Variants in CNTN3 observed in about 807,000 individuals in gnomAD.
CNTN3 encodes the protein contactin-3.
A neutral mutation model predicts 119.1 loss-of-function variants in CNTN3; 60 were observed. The ratio of observed to expected loss-of-function variants is 0.50; its 90% CI spans 0.41 to 0.62. The LOEUF (loss-of-function observed/expected upper bound fraction) is 0.62. Ranked by LOEUF, CNTN3 falls within the 20% of genes least tolerant of loss-of-function variation. CNTN3 has a pLI of 0.00. For synonymous variants in CNTN3, 450 were observed against 438.7 expected, an observed-to-expected ratio of 1.03 and a Z score of -0.32; for missense variants, 1,101 against 1,242.4, an observed-to-expected ratio of 0.89 and a Z score of 1.71.
intron 4 of CNTN3, among the ~76,000 whole-genome samples, chr3:74,467,342 C>G (rs1202299915): frequency 6.6e-6 from 1 of 151,962 alleles, no homozygotes; most frequent in Non-Finnish European, 1.5e-5. Flanking sequence ...GTCGTAACTC[C>G]AAATCTAACA....
intron 5 of CNTN3, among the ~76,000 whole-genome samples, chr3:74,391,921 G>A (rs550804640): frequency 8.5e-5 from 13 of 152,174 alleles, no homozygotes; most frequent in Admixed American, 8.5e-4. Context: ...GTCTCCCAAA[G>A]TGCTGGGATT....
intron 2 of CNTN3, among the ~76,000 whole-genome samples, chr3:74,516,958 T>A (rs1362430880): frequency 6.6e-6 from 1 of 151,898 alleles, no homozygotes; most frequent in African/African-American, 2.4e-5. Context: ...AGACCTCAGA[T>A]AAGGGGGAAA....
intron 11 of CNTN3, among the ~76,000 whole-genome samples, chr3:74,343,299 A>G (rs779581242): frequency 2.1e-4 from 32 of 152,086 alleles, no homozygotes; most frequent in Non-Finnish European, 2.9e-4. Context: ...AAATACGTCC[A>G]CTCTCTATGT....
In CNTN3 at chr3:74,345,101, T is replaced by C. The variant is rs559991907; in HGVS notation, c.1365-8443A>G. On this transcript the variant is annotated intron_variant, in intron 11 of 22. Transcript: ENST00000263665. ...TATGATGACTGTGTACATTTGATGA[T>C]GGGTTCCTTACAAATTATCTTGCAG... is the stretch of plus-strand genomic sequence containing the variant. 6.6e-5 allele frequency among the ~76,000 whole-genome samples: 10 copies of C among 152,334 alleles called. 1 individual carries two copies. The South Asian group carries it at 2.1e-3, about 32-fold the overall frequency.
At chr3:74,481,775 T>A (rs13319711) in intron 4 of CNTN3, among the ~76,000 whole-genome samples, 4 of 151,676 alleles carry the variant, frequency 2.6e-5, no homozygotes, top group African/African-American at 9.7e-5. Context: ...AGTGTAGAAA[T>A]TTGAAAGTGA....
At chr3:74,285,179 G>GGAGTTAGGTTTTT (rs1323933943) in intron 20 of CNTN3, 126 bp downstream of exon 20, 1 of 1,013,126 alleles carries the variant, frequency 9.9e-7, no homozygotes, top group East Asian at 2.7e-5. Context: ...GTTAGGTTTT[G>GGAGTTAGGTTTTT]GAGTTAGGTT....
At chr3:74,334,998 G>C (rs1051333307) in intron 12 of CNTN3, 88 bp from the exon 13 acceptor site, 1 of 911,184 alleles carries the variant, frequency 1.1e-6, no homozygotes, top group South Asian at 1.7e-5. Context: ...AACTTATACT[G>C]TGTATGTCTG....
At chr3:74,314,893 T>C (rs1246675815) in intron 13 of CNTN3, among the ~76,000 whole-genome samples, 2 of 152,138 alleles carry the variant, frequency 1.3e-5, no homozygotes, top group African/African-American at 4.8e-5. Context: ...CATAGTAAAA[T>C]GAGGCTGAGA....
chr3:74,321,186 T>G (rs1188031260), intron 13 of CNTN3, among the ~76,000 whole-genome samples: 2 of 152,144 alleles, frequency 1.3e-5, no homozygotes, highest in Admixed American at 6.5e-5. Context: ...CTATGCTCAG[T>G]ACCTGGGTGA....
chr3:74,430,570 A>T (rs1199182061), intron 4 of CNTN3, among the ~76,000 whole-genome samples: 1 of 152,052 alleles, frequency 6.6e-6, no homozygotes, highest in Non-Finnish European at 1.5e-5. Flanking sequence ...GTGAGACCCC[A>T]TCTCTTAAAA....
At chr3:74,458,824 C>A (rs1246705472) in intron 4 of CNTN3, among the ~76,000 whole-genome samples, 1 of 151,936 alleles carries the variant, frequency 6.6e-6, no homozygotes, top group Non-Finnish European at 1.5e-5. Flanking sequence ...TGAATGTTTA[C>A]ATATAAAATT....
intron 11 of CNTN3, among the ~76,000 whole-genome samples, chr3:74,359,551 T>C (rs1704030519): frequency 6.6e-6 from 1 of 152,142 alleles, no homozygotes; most frequent in Non-Finnish European, 1.5e-5. Context: ...TCTATACTTG[T>C]ATTAAGTATA....
chr3:74,386,684 T>G (rs1242726261), intron 5 of CNTN3, among the ~76,000 whole-genome samples: 1 of 152,246 alleles, frequency 6.6e-6, no homozygotes, highest in Non-Finnish European at 1.5e-5. Context: ...CTTTCCTCTC[T>G]ATTCTTCAGT....
At chr3:74,316,796 C>T (rs138630649) in intron 13 of CNTN3, among the ~76,000 whole-genome samples, 24,066 of 151,760 alleles carry the variant, frequency 0.16, 2,751 homozygotes, top group East Asian at 0.49. Context: ...GCCGTGGTGG[C>T]GGGTGCCTGT....
intron 1 of CNTN3, among the ~76,000 whole-genome samples, chr3:74,597,990 G>A (rs115142783): frequency 1.1e-3 from 165 of 152,128 alleles, no homozygotes; most frequent in African/African-American, 3.9e-3. Context: ...AAGGAAATAT[G>A]TGGGCTCAAG....
chr3:74,438,997 A>G (rs966258680), intron 4 of CNTN3, among the ~76,000 whole-genome samples: 5 of 152,192 alleles, frequency 3.3e-5, no homozygotes, highest in African/African-American at 1.2e-4. Flanking sequence ...CCAGAGTAAT[A>G]GCATAGTTCA....
At chr3:74,402,177 G>T (rs1705211574) in intron 5 of CNTN3, among the ~76,000 whole-genome samples, 1 of 152,090 alleles carries the variant, frequency 6.6e-6, no homozygotes. Flanking sequence ...AAGCTTTTTG[G>T]TTGCTGTCTT....
Position 74,421,652 on chromosome 3 carries a change from G to C in CNTN3, c.454+3193C>G, listed in dbSNP as rs7427397. Among the ~76,000 whole-genome samples, 1,137 of 152,216 alleles carry C rather than the reference G, an allele frequency of 7.5e-3. 12 individuals carry two copies. Among genetic ancestry groups the C allele is most frequent in the African/African-American group, 0.026 (1,094 of 41,526 alleles). On this transcript the variant is annotated intron_variant, in intron 5 of 22. Coordinates refer to ENST00000263665, the MANE Select transcript of CNTN3 (RefSeq NM_020872.3). Reference sequence around the variant, plus strand: ...AATGAAGAAATGTGAAGTGAATATAGCTAACACAAAGTATGGGAGACAGAG... The same window carrying C: ...AATGAAGAAATGTGAAGTGAATATACCTAACACAAAGTATGGGAGACAGAG...
Position 74,499,828 on chromosome 3 carries a change from G to A in CNTN3, c.56-43C>T, listed in dbSNP as rs570448937. The A allele has an allele frequency of 5.2e-6, 8 of 1,543,118 alleles. No individual in the cohort carries two copies. In the South Asian group the frequency reaches 7.5e-5, roughly 14 times the overall value. On this transcript the variant is annotated intron_variant, in intron 2 of 22. Coordinates refer to ENST00000263665, the MANE Select transcript of CNTN3 (RefSeq NM_020872.3). Reference sequence around the variant, plus strand: ...ATCCAAAAAATAATAATCAGTAAAAGGCATTGTAAAAAGTTACATTCCAGT... The same window carrying A: ...ATCCAAAAAATAATAATCAGTAAAAAGCATTGTAAAAAGTTACATTCCAGT...
Sources: gnomAD v4.1 joint callset for allele counts (sites outside exome capture counted in the v4.1 genomes callset) on GRCh38, gnomAD v4.1.1 for gene constraint, MANE v1.5 for transcripts, NCBI Gene and HGNC (gene_info 2026-07-23, HGNC 2026-07-21) for gene names.